SV2C: variants seen among roughly 807,000 people sequenced by gnomAD.
The protein encoded by SV2C is synaptic vesicle glycoprotein 2C, also known as solute carrier family 22 member B3.
SV2C carries 49 observed loss-of-function variants against 79.7 expected under a neutral mutation model. That is an observed-to-expected ratio of 0.61 (90% CI 0.49 to 0.78). The LOEUF is 0.78. Among genes scored for constraint, SV2C ranks in the 30% least tolerant of loss-of-function variants. SV2C has a pLI of 0.00. For missense variants in SV2C, 833 were observed against 912.9 expected (o/e 0.91, Z 1.13); for synonymous variants, 334 against 333.2 (o/e 1.00, Z -0.03).
chr5:76,219,149 T>C (rs1744990730), intron 4 of SV2C, among the ~76,000 whole-genome samples: 1 of 152,162 alleles, frequency 6.6e-6, no homozygotes, highest in Non-Finnish European at 1.5e-5. Flanking sequence ...CCCAGAGCCC[T>C]GTCCTCTCAT....
At chr5:76,174,904 A>G (rs1321409602) in intron 2 of SV2C, among the ~76,000 whole-genome samples, 8 of 152,228 alleles carry the variant, frequency 5.3e-5, no homozygotes, top group African/African-American at 1.9e-4. Context: ...ACAAGTGCTG[A>G]TACCCTGTTT....
chr5:76,181,415 T>C (rs958417887), intron 2 of SV2C, among the ~76,000 whole-genome samples: 3 of 152,210 alleles, frequency 2.0e-5, no homozygotes, highest in African/African-American at 7.2e-5. Flanking sequence ...GGGCTTTCTA[T>C]TAGTCTGTTT....
chr5:76,275,810 T>C (rs1747007832), intron 4 of SV2C, among the ~76,000 whole-genome samples: 1 of 152,226 alleles, frequency 6.6e-6, no homozygotes, highest in African/African-American at 2.4e-5. Context: ...AAAATTGAGA[T>C]CCTTCCTTGC....
intron 4 of SV2C, among the ~76,000 whole-genome samples, chr5:76,265,121 C>A (rs957470320): frequency 9.9e-5 from 15 of 152,222 alleles, no homozygotes; most frequent in Non-Finnish European, 4.4e-5. Context: ...CTAACTGGGG[C>A]TGCTGCCTTT....
In SV2C at chr5:76,104,152, A is replaced by T. The variant is rs142516634; in HGVS notation, c.-102+20640A>T. ...GACAGGATATATGATAGCTGTAGGT[A>T]GCACTATGAGCATTTTGTAGATGCC... On this transcript the variant is annotated intron_variant, in intron 1 of 12. Transcript: ENST00000502798. Among the ~76,000 whole-genome samples the T allele has an allele frequency of 1.4e-3, 218 of 152,316 alleles. 1 individual carries two copies. Among genetic ancestry groups the T allele is most frequent in the African/African-American group, 5.1e-3 (212 of 41,576 alleles).
chr5:76,236,275 T>C (rs1383646278), intron 4 of SV2C, among the ~76,000 whole-genome samples: 1 of 146,402 alleles, frequency 6.8e-6, no homozygotes, highest in Non-Finnish European at 1.5e-5. Context: ...GTCCTAAAAA[T>C]CAAATACACT....
chr5:76,225,318 T>A (rs917126860), intron 4 of SV2C, among the ~76,000 whole-genome samples: 1 of 152,232 alleles, frequency 6.6e-6, no homozygotes, highest in Non-Finnish European at 1.5e-5. Flanking sequence ...AATTGCATGA[T>A]CCACTTCTTC....
chr5:76,027,204 G>A, the SV2C span, among the ~76,000 whole-genome samples: 1 of 151,412 alleles, frequency 6.6e-6, no homozygotes, highest in African/African-American at 2.4e-5. Flanking sequence ...TGGGATTACA[G>A]GCGCCCACCA....
chr5:75,880,684 A>G, the SV2C span, among the ~76,000 whole-genome samples: 6 of 152,134 alleles, frequency 3.9e-5, no homozygotes, highest in African/African-American at 1.4e-4. Context: ...AGAAGTTCCA[A>G]ACTTTCCCTC....
At chr5:76,086,121 C>T (rs1353384440) in intron 1 of SV2C, among the ~76,000 whole-genome samples, 1 of 152,186 alleles carries the variant, frequency 6.6e-6, no homozygotes, top group South Asian at 2.1e-4. Flanking sequence ...ATCTGAGCAG[C>T]AGACTGGCCT....
chr5:76,111,343 A>G (rs1488933053), intron 1 of SV2C, among the ~76,000 whole-genome samples: 3 of 152,154 alleles, frequency 2.0e-5, no homozygotes, highest in African/African-American at 7.2e-5. Context: ...GGAATCATGT[A>G]TGATTTTCTT....
At chr5:75,945,068 G>A in the SV2C span, among the ~76,000 whole-genome samples, 1 of 152,062 alleles carries the variant, frequency 6.6e-6, no homozygotes, top group African/African-American at 2.4e-5. Context: ...CCAGATGTTG[G>A]AATGATCAGA....
intron 2 of SV2C, among the ~76,000 whole-genome samples, chr5:76,165,258 A>G (rs914385754): frequency 1.3e-5 from 2 of 152,230 alleles, no homozygotes; most frequent in Non-Finnish European, 2.9e-5. Flanking sequence ...TAACCTTAGT[A>G]CATTGTCAAA....
the SV2C span, among the ~76,000 whole-genome samples, chr5:75,899,047 G>T: frequency 2.0e-5 from 3 of 152,190 alleles, no homozygotes; most frequent in South Asian, 2.1e-4. Flanking sequence ...TTGTTGAAGG[G>T]TTTTTTGTGT....
chr5:76,238,121 C>T (rs1047161927), intron 4 of SV2C, among the ~76,000 whole-genome samples: 2 of 151,196 alleles, frequency 1.3e-5, no homozygotes, highest in East Asian at 1.9e-4. Flanking sequence ...CTGGAATGTC[C>T]GTCTAATGGG....
At chr5:76,270,873 C>A (rs998987760) in intron 4 of SV2C, among the ~76,000 whole-genome samples, 1 of 151,744 alleles carries the variant, frequency 6.6e-6, no homozygotes, top group South Asian at 2.1e-4. Context: ...GGTTAAAACA[C>A]TTCTCCTGCC....
intron 2 of SV2C, among the ~76,000 whole-genome samples, chr5:76,133,284 G>C (rs1748963414): frequency 6.6e-6 from 1 of 152,188 alleles, no homozygotes; most frequent in Non-Finnish European, 1.5e-5. Flanking sequence ...ATGTGTTTCA[G>C]AGTCTATGAA....
At chr5:76,079,022 G>A, upstream of SV2C, 4 of 424,668 alleles carry the variant, frequency 9.4e-6, no homozygotes, top group South Asian at 8.1e-5. Flanking sequence ...GTTTGAAGAG[G>A]GGCCATCAAC....
intron 8 of SV2C, among the ~76,000 whole-genome samples, chr5:76,295,556 T>G (rs1291667026): frequency 1.3e-5 from 2 of 152,202 alleles, no homozygotes; most frequent in Non-Finnish European, 2.9e-5. Flanking sequence ...ATTACATACC[T>G]GGGGTTCTCC....
Sources: gnomAD v4.1 joint callset for allele counts (sites outside exome capture counted in the v4.1 genomes callset) on GRCh38, gnomAD v4.1.1 for gene constraint, MANE v1.5 for transcripts, NCBI Gene and HGNC (gene_info 2026-07-23, HGNC 2026-07-21) for gene names.